Variants in EFCAB5 observed in about 807,000 individuals in gnomAD.
EFCAB5 encodes EF-hand calcium-binding domain-containing protein 5.
In EFCAB5, 131 loss-of-function variants were observed where a neutral mutation model predicts 167.9. That is an observed-to-expected ratio of 0.78 (90% confidence interval 0.68 to 0.90). The LOEUF (loss-of-function observed/expected upper bound fraction) is 0.90. Among genes scored for constraint, EFCAB5 ranks in the 40% least tolerant of loss-of-function variants. EFCAB5 has a pLI of 0.00. For synonymous variants in EFCAB5, 574 were observed against 602.8 expected, an observed-to-expected ratio of 0.95 and a Z score of 0.70; for missense variants, 1,663 against 1,745.2, an observed-to-expected ratio of 0.95 and a Z score of 0.84.
intron 7 of EFCAB5, among the ~76,000 whole-genome samples, chr17:30,025,859 G>A (rs1386931568): frequency 6.6e-6 from 1 of 152,072 alleles, no homozygotes; most frequent in African/African-American, 2.4e-5. Flanking sequence ...ATGAGTTCAC[G>A]TCCTTTGTAG....
chr17:30,051,018 G>T, intron 8 of EFCAB5, 100 bp from the exon 9 acceptor site: 1 of 833,412 alleles, frequency 1.2e-6, no homozygotes, highest in South Asian at 1.6e-5. Context: ...TGATTGTTGT[G>T]GTGATAGTGA....
chr17:29,955,369 A>T lies in EFCAB5; in HGVS notation c.190+11720A>T, dbSNP rs568029926. ...GGTGGGTCTTTTCCATGCTGTTCTCATGATAGTGAATAAATCTCACAAGAT... is the reference window on the plus strand; with the variant it reads ...GGTGGGTCTTTTCCATGCTGTTCTCTTGATAGTGAATAAATCTCACAAGAT... On this transcript the variant is annotated intron_variant, in intron 3 of 22. Coordinates refer to ENST00000394835, the MANE Select transcript of EFCAB5 (RefSeq NM_198529.4). Among the ~76,000 whole-genome samples, 11 of 152,258 alleles carry T rather than the reference A, an allele frequency of 7.2e-5. No individual in the cohort carries two copies. The South Asian group carries it at 2.3e-3, about 32-fold the overall frequency.
intron 22 of EFCAB5, among the ~76,000 whole-genome samples, chr17:30,097,439 C>T (rs1190262220): frequency 6.6e-6 from 1 of 152,234 alleles, no homozygotes; most frequent in African/African-American, 2.4e-5. Flanking sequence ...CTCTTTCATA[C>T]TCTTCAGTCC....
intron 14 of EFCAB5, among the ~76,000 whole-genome samples, chr17:30,064,958 C>T (rs2070521848): frequency 6.6e-6 from 1 of 152,042 alleles, no homozygotes; most frequent in Admixed American, 6.6e-5. Flanking sequence ...AATAGTATAC[C>T]CAGAAAAACT....
rs771595921 is a variant in EFCAB5, at chr17:29,942,270, T to TG, written c.75dup (p.Asn26GlufsTer4). On this transcript the variant is annotated frameshift_variant, in exon 2 of 23. Transcript: ENST00000394835. LOFTEE classifies it high-confidence loss of function. The stretch of plus-strand genomic sequence containing the variant: ...CAGAAAAGAAGACAAAGAGAGGAAA[T>TG]GGAACTTAACTGAAGTGAAAGAGCT... The TG allele has an allele frequency of 1.2e-5, 19 of 1,591,590 alleles. No individual in the cohort carries two copies. The Admixed American group carries it at 1.8e-4, about 15-fold the overall frequency.
chr17:30,033,438 T>G (rs1248794590), intron 7 of EFCAB5, among the ~76,000 whole-genome samples: 1 of 152,220 alleles, frequency 6.6e-6, no homozygotes, highest in Non-Finnish European at 1.5e-5. Context: ...CACTTCTCTC[T>G]ATCACAGGAT....
Position 29,968,800 on chromosome 17 carries a change from TG to T in EFCAB5, c.202del (p.Glu68ArgfsTer11). The T allele has an allele frequency of 6.7e-7, 1 of 1,494,516 alleles. No individual in the cohort carries two copies. The highest frequency in any genetic ancestry group is 1.4e-5 in the South Asian group (1 of 73,960). 92.6% of individuals were successfully genotyped at this position (1,494,516 alleles called of 1,614,324 possible). ...TTTTTTTTCCCCTCAGAATTAAACCTGGAGGGGCAGCGAAAAATTTCACCTG... is the reference window on the plus strand; with the variant it reads ...TTTTTTTTCCCCTCAGAATTAAACCTGAGGGGCAGCGAAAAATTTCACCTG... ...MDEIKSQELN[L>X]EGQRKISPGS... On this transcript the variant is annotated frameshift_variant, in exon 4 of 23. Transcript: ENST00000394835. LOFTEE classifies it high-confidence loss of function.
chr17:30,091,972 T>C lies in EFCAB5; in HGVS notation c.4039T>C (p.Phe1347Leu), dbSNP rs780712093. Residue 1347 changes from phenylalanine to leucine, a missense_variant, in exon 21 of 23, where the codon TTT becomes CTT. Phe to Leu is a conservative substitution (Grantham distance 22). Coordinates refer to ENST00000394835, the MANE Select transcript of EFCAB5 (RefSeq NM_198529.4). Reference protein sequence around the residue: ...ESIQLLNSMEFVSLLLYDHTL... With the variant: ...ESIQLLNSMELVSLLLYDHTL... Reference sequence around the variant, plus strand: ...CATCCAACTACTCAATTCCATGGAATTTGTGTCACTGTTGCTCTATGACCA... The same window carrying C: ...CATCCAACTACTCAATTCCATGGAACTTGTGTCACTGTTGCTCTATGACCA... The C allele has an allele frequency of 4.3e-6, 7 of 1,613,976 alleles. No individual in the cohort carries two copies. In the South Asian group the frequency reaches 7.7e-5, roughly 18 times the overall value.
intron 7 of EFCAB5, among the ~76,000 whole-genome samples, chr17:30,004,041 T>C (rs2068723326): frequency 6.6e-6 from 1 of 152,096 alleles, no homozygotes; most frequent in African/African-American, 2.4e-5. Flanking sequence ...AAAAAGAGGG[T>C]CCATCCAACA....
At chr17:30,069,094 C>A in intron 14 of EFCAB5, 2 of 1,454,236 alleles carry the variant, frequency 1.4e-6, no homozygotes, top group Non-Finnish European at 1.9e-6. Flanking sequence ...AAGAGCCATC[C>A]GAGTTAAAAG....
At chr17:29,954,741 T>G (rs1194364530) in intron 3 of EFCAB5, among the ~76,000 whole-genome samples, 1 of 152,114 alleles carries the variant, frequency 6.6e-6, no homozygotes, top group Non-Finnish European at 1.5e-5. Flanking sequence ...AATGATAGAT[T>G]CACCGACAGC....
intron 4 of EFCAB5, among the ~76,000 whole-genome samples, chr17:29,971,073 C>CA (rs57637961): frequency 0.49 from 68,051 of 139,266 alleles, 16,009 homozygotes; most frequent in East Asian, 0.67. Flanking sequence ...GACCCCATCT[C>CA]AAAAAAAAAA....
chr17:30,102,787 A>C (rs561556624), intron 22 of EFCAB5, among the ~76,000 whole-genome samples: 58 of 152,136 alleles, frequency 3.8e-4, no homozygotes, highest in South Asian at 1.2e-3. Context: ...GAAAGACAGA[A>C]AGAAAGAAAG....
At chr17:29,975,443 G>T (rs990491180) in intron 4 of EFCAB5, among the ~76,000 whole-genome samples, 1 of 152,092 alleles carries the variant, frequency 6.6e-6, no homozygotes, top group Non-Finnish European at 1.5e-5. Context: ...TTTAAGTAGA[G>T]ATGGGGTTTC....
intron 3 of EFCAB5, chr17:29,968,338 C>A: frequency 2.2e-6 from 1 of 454,072 alleles, no homozygotes; most frequent in Non-Finnish European, 4.4e-6. Flanking sequence ...TTGGTCTGGG[C>A]GTGGGCATGT....
In EFCAB5 at chr17:29,994,636, C is replaced by T. The variant is rs146991411; in HGVS notation, c.924+1315C>T. Among the ~76,000 whole-genome samples, 16 of 152,244 alleles carry T rather than the reference C, an allele frequency of 1.1e-4. No individual in the cohort carries two copies. The East Asian group carries it at 2.5e-3, about 24-fold the overall frequency. ...TCAACATAAGCTCTATCAGGCTGGG[C>T]GCCATGGCTCAGGCCTGTAATCCCA... On this transcript the variant is annotated intron_variant, in intron 5 of 22. Coordinates refer to ENST00000394835, the MANE Select transcript of EFCAB5 (RefSeq NM_198529.4).
In EFCAB5 at chr17:30,022,414, C is replaced by T. The variant is rs1325574767; in HGVS notation, c.1045-11816C>T. On this transcript the variant is annotated intron_variant, in intron 7 of 22. Coordinates refer to ENST00000394835, the MANE Select transcript of EFCAB5 (RefSeq NM_198529.4). ...AGTAAATTAAGGACACATGCAGGCA[C>T]GCACACAAGCACGTGCACACAAACA... Among the ~76,000 whole-genome samples, 5 of 152,092 alleles carry T rather than the reference C, an allele frequency of 3.3e-5. No homozygotes were observed. The East Asian group carries it at 5.8e-4, about 18-fold the overall frequency.
intron 7 of EFCAB5, among the ~76,000 whole-genome samples, chr17:30,001,993 C>T (rs2068672675): frequency 6.6e-6 from 1 of 152,152 alleles, no homozygotes; most frequent in Non-Finnish European, 1.5e-5. Context: ...CTTCAAAGCT[C>T]ATCATAGTCT....
At position 30,108,174 on chromosome 17, in the gene EFCAB5, A is replaced by C. The variant is rs1301385242; in HGVS notation, c.*150A>C. On this transcript the variant is annotated 3_prime_UTR_variant, in exon 23 of 23. Coordinates refer to ENST00000394835, the MANE Select transcript of EFCAB5 (RefSeq NM_198529.4). ...TTATCTCAGCACTTTCTAAACCCAAAAGTGCTACCTAAGAAGAAATTTAGC... is the reference window on the plus strand; with the variant it reads ...TTATCTCAGCACTTTCTAAACCCAACAGTGCTACCTAAGAAGAAATTTAGC... 21 of 867,558 alleles carry C rather than the reference A, an allele frequency of 2.4e-5. No individual in the cohort carries two copies. Among genetic ancestry groups the C allele is most frequent in the Admixed American group, 3.8e-5 (1 of 26,374 alleles). The allele number at this position is 867,558 out of a possible 1,614,324, so 53.7% of individuals were successfully genotyped here. A position where few individuals can be genotyped will look rare whatever the true frequency, so the allele number is the denominator to read the frequency against.
Sources: gnomAD v4.1 joint callset for allele counts (sites outside exome capture counted in the v4.1 genomes callset) on GRCh38, gnomAD v4.1.1 for gene constraint, MANE v1.5 for transcripts, NCBI Gene and HGNC (gene_info 2026-07-23, HGNC 2026-07-21) for gene names.